The following ITGBL1 variants were observed in gnomAD, a reference collection of about 807,000 sequenced individuals.
ITGBL1 encodes integrin subunit beta like 1, also known as integrin beta-like protein 1.
A neutral mutation model predicts 68.5 loss-of-function variants in ITGBL1; 51 were observed. The ratio of observed to expected loss-of-function variants is 0.74; its 90% CI spans 0.59 to 0.94. ITGBL1 has a LOEUF of 0.94. ITGBL1 is among the 40% of genes least tolerant of loss of function. ITGBL1 has a pLI of 0.00. For synonymous variants in ITGBL1, 209 were observed against 227.3 expected (o/e 0.92, Z 0.72); for missense variants, 649 against 647.4 (o/e 1.00, Z -0.03).
chr13:101,700,558 G>A (rs1411373808), intron 8 of ITGBL1, among the ~76,000 whole-genome samples: 1 of 152,058 alleles, frequency 6.6e-6, no homozygotes, highest in African/African-American at 2.4e-5. Context: ...AAACTATATC[G>A]TCACATCATT....
At chr13:101,538,412 T>G (rs989102812) in intron 2 of ITGBL1, among the ~76,000 whole-genome samples, 2 of 152,088 alleles carry the variant, frequency 1.3e-5, no homozygotes, top group Admixed American at 6.6e-5. Flanking sequence ...TTAAGAAGGC[T>G]TTCAAATAGT....
At chr13:101,705,031 G>A (rs2034224280) in intron 8 of ITGBL1, among the ~76,000 whole-genome samples, 1 of 152,118 alleles carries the variant, frequency 6.6e-6, no homozygotes, top group Non-Finnish European at 1.5e-5. Flanking sequence ...AGGTATGGCA[G>A]CGACATTTTT....
At chr13:101,583,796 C>T (rs565705125) in intron 6 of ITGBL1, among the ~76,000 whole-genome samples, 1 of 152,314 alleles carries the variant, frequency 6.6e-6, no homozygotes, top group East Asian at 1.9e-4. Context: ...ATTTGCAGTG[C>T]TCCTACTGGT....
chr13:101,533,101 A>G (rs1043932323), intron 2 of ITGBL1, among the ~76,000 whole-genome samples: 36 of 152,170 alleles, frequency 2.4e-4, no homozygotes, highest in African/African-American at 8.2e-4. Context: ...TAATTTTATC[A>G]TTAAAAGGTT....
At position 101,598,144 on chromosome 13, in the gene ITGBL1, A is replaced by C. The variant is rs201297785; in HGVS notation, c.869-9A>C. 3 of 1,585,150 alleles carry C rather than the reference A, an allele frequency of 1.9e-6. No individual in the cohort carries two copies. The highest frequency in any genetic ancestry group is 2.6e-6 in the Non-Finnish European group (3 of 1,170,210). On this transcript the variant is annotated splice_polypyrimidine_tract_variant and intron_variant, in intron 6 of 10. Coordinates refer to ENST00000376180, the MANE Select transcript of ITGBL1 (RefSeq NM_004791.3). ...TACATTTTTATTTTTTGCCACTCTC[A>C]CTGTGAAGGTCATGGACAGTGTAAT... is the stretch of plus-strand genomic sequence containing the variant.
intron 2 of ITGBL1, among the ~76,000 whole-genome samples, chr13:101,515,181 A>C (rs2049175816): frequency 6.6e-6 from 1 of 152,118 alleles, no homozygotes; most frequent in African/African-American, 2.4e-5. Flanking sequence ...TTAATTGGTG[A>C]TTCCACATTT....
At chr13:101,597,896 A>G (rs1453754528) in intron 6 of ITGBL1, among the ~76,000 whole-genome samples, 1 of 151,924 alleles carries the variant, frequency 6.6e-6, no homozygotes, top group Non-Finnish European at 1.5e-5. Context: ...AATCACATGC[A>G]CCTGGAATTT....
intron 7 of ITGBL1, among the ~76,000 whole-genome samples, chr13:101,628,381 G>A (rs1241435145): frequency 6.6e-6 from 1 of 150,616 alleles, no homozygotes; most frequent in Non-Finnish European, 1.5e-5. Context: ...TTTTCTCCTT[G>A]TCTATGACTT....
intron 2 of ITGBL1, among the ~76,000 whole-genome samples, chr13:101,534,401 A>G (rs1047556940): frequency 6.6e-6 from 1 of 152,196 alleles, no homozygotes; most frequent in Non-Finnish European, 1.5e-5. Flanking sequence ...TGAGGGCAAC[A>G]CACTAAAAGA....
chr13:101,503,556 G>T (rs977143846), intron 2 of ITGBL1, among the ~76,000 whole-genome samples: 4 of 152,136 alleles, frequency 2.6e-5, no homozygotes, highest in African/African-American at 9.7e-5. Context: ...ATGGTTATTA[G>T]AGATTATGCC....
intron 7 of ITGBL1, among the ~76,000 whole-genome samples, chr13:101,651,553 GTAGACTCTGGATAT>G (rs2032750773): frequency 6.6e-6 from 1 of 152,016 alleles, no homozygotes; most frequent in Non-Finnish European, 1.5e-5. Flanking sequence ...TAAGTTCCTT[GTAGACTCTGGATAT>G]TAGACCTTTG....
In ITGBL1 at chr13:101,519,020, T is replaced by C. The variant is rs145044952; in HGVS notation, c.317-48679T>C. 2.4e-4 allele frequency among the ~76,000 whole-genome samples: 37 copies of C among 152,288 alleles called. No individual in the cohort carries two copies. The East Asian group carries it at 6.9e-3, about 29-fold the overall frequency. ...AGTAATTGTTGTAAAGACAGATACA[T>C]GCACACCCACATGCAGAAAATACTC... On this transcript the variant is annotated intron_variant, in intron 2 of 10. Transcript: ENST00000376180.
intron 7 of ITGBL1, among the ~76,000 whole-genome samples, chr13:101,632,420 G>A (rs541908789): frequency 1.3e-5 from 2 of 152,312 alleles, no homozygotes; most frequent in Admixed American, 6.5e-5. Context: ...ATGTTGGTTA[G>A]GCTGTAAAGC....
rs188240875 is a variant in ITGBL1 at position 101,464,754 on chromosome 13, A to G, written c.316+10654A>G. Among the ~76,000 whole-genome samples, 15 of 152,280 alleles carry G rather than the reference A, an allele frequency of 9.9e-5. No individual in the cohort carries two copies. The East Asian group carries it at 2.1e-3, about 22-fold the overall frequency. On this transcript the variant is annotated intron_variant, in intron 2 of 10. Transcript: ENST00000376180. ...GCCATACATATGTGAATATGTAAGT[A>G]TGTGCACAAACATACATATATATGT...
intron 7 of ITGBL1, among the ~76,000 whole-genome samples, chr13:101,634,941 G>GGT (rs59309809): frequency 0.032 from 4,704 of 145,796 alleles, 107 homozygotes; most frequent in African/African-American, 0.069. Context: ...ATAAGCAAAA[G>GGT]GTGTGTGTGT....
At chr13:101,488,122 G>A (rs1408908911) in intron 2 of ITGBL1, among the ~76,000 whole-genome samples, 3 of 152,206 alleles carry the variant, frequency 2.0e-5, no homozygotes, top group African/African-American at 7.2e-5. Flanking sequence ...TTTCTTGAAG[G>A]ATGTTTGGAT....
At chr13:101,625,879 T>G (rs1326085013) in intron 7 of ITGBL1, among the ~76,000 whole-genome samples, 1 of 152,190 alleles carries the variant, frequency 6.6e-6, no homozygotes, top group Non-Finnish European at 1.5e-5. Flanking sequence ...TATTGAGCAT[T>G]TAATGATGCG....
At chr13:101,588,191 C>T (rs556959874) in intron 6 of ITGBL1, among the ~76,000 whole-genome samples, 1 of 152,116 alleles carries the variant, frequency 6.6e-6, no homozygotes, top group Non-Finnish European at 1.5e-5. Flanking sequence ...TTGGACCACT[C>T]AATGGCTGCT....
chr13:101,632,365 C>G (rs1383806062), intron 7 of ITGBL1, among the ~76,000 whole-genome samples: 1 of 152,152 alleles, frequency 6.6e-6, no homozygotes, highest in Non-Finnish European at 1.5e-5. Context: ...TATCCCTGCA[C>G]AACCACTAGA....
Sources: allele counts gnomAD v4.1 joint callset (sites outside exome capture counted in the v4.1 genomes callset), GRCh38; gene constraint gnomAD v4.1.1; transcripts MANE v1.5; gene names NCBI Gene and HGNC (gene_info 2026-07-23, HGNC 2026-07-21).